COL4A4: variants seen among roughly 807,000 people sequenced by gnomAD.
COL4A4 encodes collagen alpha-4(IV) chain.
A neutral mutation model predicts 192.9 loss-of-function variants in COL4A4; 105 were observed. The ratio of observed to expected loss-of-function variants is 0.54; its 90% confidence interval spans 0.46 to 0.64. COL4A4 has a LOEUF of 0.64. Among genes scored for constraint, COL4A4 ranks in the 30% least tolerant of loss-of-function variants. The pLI, the probability that COL4A4 is intolerant of heterozygous loss-of-function variation, is 0.00. For synonymous variants in COL4A4, 762 were observed against 769.9 expected (o/e 0.99, Z 0.17); for missense variants, 1,967 against 2,169.3 (o/e 0.91, Z 1.85).
the COL4A4 span, among the ~76,000 whole-genome samples, chr2:226,970,537 T>G: frequency 2.6e-5 from 4 of 152,216 alleles, no homozygotes; most frequent in African/African-American, 7.2e-5. Context: ...GGAAGCAGCC[T>G]TATTTTTAGG....
intron 1 of COL4A4, among the ~76,000 whole-genome samples, chr2:227,156,207 TG>T (rs758086249): frequency 5.9e-5 from 9 of 152,114 alleles, no homozygotes; most frequent in Non-Finnish European, 1.2e-4. Flanking sequence ...GAGACCAGCC[TG>T]GGCAACATGA....
At chr2:227,033,611 TTCA>T (rs1968898230) in intron 37 of COL4A4, 130 bp from the exon 38 acceptor site, 1 of 749,442 alleles carries the variant, frequency 1.3e-6, no homozygotes, top group South Asian at 1.5e-5. Context: ...GCGTCTGGAC[TTCA>T]TCATCAGGGT....
Position 227,052,941 on chromosome 2 carries a change from G to A in COL4A4, c.2861-529C>T, listed in dbSNP as rs138072106. ...TGGCCAGCTGTAGCAATGTGCAGGCGTGGGCTCCTACCAGCTTGACGAGTG... is the reference window on the plus strand; with the variant it reads ...TGGCCAGCTGTAGCAATGTGCAGGCATGGGCTCCTACCAGCTTGACGAGTG... On this transcript the variant is annotated intron_variant, in intron 31 of 47. Transcript: ENST00000396625. Among the ~76,000 whole-genome samples, 383 of 152,186 alleles carry A rather than the reference G, an allele frequency of 2.5e-3. 1 individual carries two copies. The highest frequency in any genetic ancestry group is 8.6e-3 in the African/African-American group (359 of 41,532).
At chr2:227,147,058 G>T (rs2063592931) in intron 2 of COL4A4, among the ~76,000 whole-genome samples, 1 of 152,168 alleles carries the variant, frequency 6.6e-6, no homozygotes, top group Non-Finnish European at 1.5e-5. Context: ...AGGGCTGGGG[G>T]TGTTATTAAT....
At chr2:227,073,804 C>T (rs1481545957) in intron 25 of COL4A4, among the ~76,000 whole-genome samples, 3 of 151,922 alleles carry the variant, frequency 2.0e-5, no homozygotes, top group African/African-American at 7.2e-5. Context: ...GGGGTGGACA[C>T]CCTATTTAAT....
At chr2:227,026,313 C>T (rs894645790) in intron 42 of COL4A4, among the ~76,000 whole-genome samples, 12 of 151,984 alleles carry the variant, frequency 7.9e-5, no homozygotes, top group East Asian at 1.9e-4. Context: ...CTGGCTAACA[C>T]GGTGAAACCC....
chr2:227,025,104 C>A lies in COL4A4; in HGVS notation c.4090+698G>T, dbSNP rs534732820. 3.3e-5 allele frequency among the ~76,000 whole-genome samples: 5 copies of A among 152,284 alleles called. No homozygotes were observed. The South Asian group carries it at 1.0e-3, about 32-fold the overall frequency. ...GAAACTGAAAAATAAAAAGGGGGAGCTGAGGCCTGTCTTCTAAAGACCTTA... is the reference window on the plus strand; with the variant it reads ...GAAACTGAAAAATAAAAAGGGGGAGATGAGGCCTGTCTTCTAAAGACCTTA... On this transcript the variant is annotated intron_variant, in intron 43 of 47. Transcript: ENST00000396625.
intron 2 of COL4A4, among the ~76,000 whole-genome samples, chr2:227,145,013 G>A (rs2063455907): frequency 6.6e-6 from 1 of 152,054 alleles, no homozygotes; most frequent in Admixed American, 6.5e-5. Context: ...CTGGGAGGAT[G>A]GTTTGGAGAA....
At chr2:227,043,280 C>G (rs1203410385) in intron 35 of COL4A4, 96 bp from the exon 36 acceptor site, 1 of 1,041,432 alleles carries the variant, frequency 9.6e-7, no homozygotes, top group Non-Finnish European at 1.5e-6. Context: ...TCTATCCTTA[C>G]TTTTTTAGTT....
intron 40 of COL4A4, 126 bp downstream of exon 40, chr2:227,031,819 C>G: frequency 1.3e-6 from 1 of 763,706 alleles, no homozygotes; most frequent in Non-Finnish European, 2.3e-6. Flanking sequence ...CACTTATCGA[C>G]CTGCCAAGCT....
At chr2:227,011,088 C>T (rs1267718293) in intron 45 of COL4A4, among the ~76,000 whole-genome samples, 2 of 152,176 alleles carry the variant, frequency 1.3e-5, no homozygotes, top group African/African-American at 4.8e-5. Context: ...TTCTAGCATT[C>T]TTGTTGGCAG....
intron 43 of COL4A4, among the ~76,000 whole-genome samples, chr2:227,023,452 A>AAAG: frequency 6.6e-6 from 1 of 151,846 alleles, no homozygotes; most frequent in East Asian, 1.9e-4. Flanking sequence ...AAAAAAAAAA[A>AAAG]AAAGAAAAAA....
intron 21 of COL4A4, among the ~76,000 whole-genome samples, chr2:227,089,456 G>A (rs567778657): frequency 1.1e-3 from 172 of 151,802 alleles, no homozygotes; most frequent in African/African-American, 3.9e-3. Flanking sequence ...GGCAATTGAT[G>A]AGTCTGGGAA....
chr2:227,137,503 T>A (rs2062898589), intron 4 of COL4A4, among the ~76,000 whole-genome samples: 1 of 152,220 alleles, frequency 6.6e-6, no homozygotes, highest in Non-Finnish European at 1.5e-5. Flanking sequence ...GAAATAATAA[T>A]ACTTGCATCA....
intron 7 of COL4A4, among the ~76,000 whole-genome samples, chr2:227,115,944 G>A (rs948079237): frequency 7.2e-5 from 11 of 152,140 alleles, no homozygotes; most frequent in Admixed American, 5.9e-4. Flanking sequence ...CCCACAAATC[G>A]CTATATAAAT....
the COL4A4 span, among the ~76,000 whole-genome samples, chr2:226,976,335 A>G: frequency 6.7e-6 from 1 of 150,268 alleles, no homozygotes; most frequent in Admixed American, 6.7e-5. Context: ...GAGGATGTCT[A>G]GTCAGTGACT....
intron 25 of COL4A4, among the ~76,000 whole-genome samples, chr2:227,069,241 T>G (rs1431490585): frequency 1.3e-5 from 2 of 151,100 alleles, no homozygotes; most frequent in African/African-American, 4.9e-5. Context: ...TGGAAGAATA[T>G]TCCATGCTCA....
intron 3 of COL4A4, among the ~76,000 whole-genome samples, chr2:227,142,710 C>T (rs528679573): frequency 2.0e-5 from 3 of 150,536 alleles, no homozygotes; most frequent in East Asian, 3.9e-4. Context: ...GAGCTGAGAT[C>T]GTACCACTGC....
At chr2:226,997,385 C>T in the COL4A4 span, 1 of 152,202 alleles carries the variant, frequency 6.6e-6, no homozygotes, top group Non-Finnish European at 1.5e-5. Flanking sequence ...TCTGCTATAA[C>T]ACATCTTGCC....
Sources: gnomAD v4.1 joint callset for allele counts (sites outside exome capture counted in the v4.1 genomes callset) on GRCh38, gnomAD v4.1.1 for gene constraint, MANE v1.5 for transcripts, NCBI Gene and HGNC (gene_info 2026-07-23, HGNC 2026-07-21) for gene names.